ADAMTSL1: variants seen among roughly 807,000 people sequenced by gnomAD.
ADAMTSL1 encodes the protein ADAMTS like 1.
ADAMTSL1 carries 126 observed loss-of-function variants against 201.8 expected under a neutral mutation model. That is an observed-to-expected ratio of 0.62 (90% CI 0.54 to 0.72). The LOEUF is 0.72. Ranked by LOEUF, ADAMTSL1 falls within the 30% of genes least tolerant of loss-of-function variation. ADAMTSL1 has a pLI of 0.00. For synonymous variants in ADAMTSL1, 1,121 were observed against 903.4 expected (o/e 1.24, Z -4.32); for missense variants, 2,679 against 2,277.8 (o/e 1.18, Z -3.59).
rs543529724 is a variant in ADAMTSL1, at chr9:18,177,405, A to C, written c.207+13424A>C. Among the ~76,000 whole-genome samples the C allele has an allele frequency of 1.4e-4, 22 of 152,296 alleles. No homozygotes were observed. In the South Asian group the frequency reaches 2.7e-3, roughly 19 times the overall value. On this transcript the variant is annotated intron_variant, in intron 2 of 29. Coordinates refer to the ADAMTSL1 transcript ENST00000680146. ...ATGACACTGATGGAAATGTGGCTAA[A>C]ACGTTGCGTCATTTAATATTAAGTC...
chr9:18,270,723 C>G (rs1293780659), intron 2 of ADAMTSL1, among the ~76,000 whole-genome samples: 1 of 152,146 alleles, frequency 6.6e-6, no homozygotes, highest in Non-Finnish European at 1.5e-5. Context: ...ATTTCATGTT[C>G]CCCTTCCACA....
At chr9:18,774,955 A>G (rs1203214293) in intron 17 of ADAMTSL1, among the ~76,000 whole-genome samples, 2 of 152,194 alleles carry the variant, frequency 1.3e-5, no homozygotes, top group African/African-American at 4.8e-5. Flanking sequence ...GTAAGAAACT[A>G]CCAATCTGTT....
At chr9:18,573,986 T>A (rs1458901109) in intron 3 of ADAMTSL1, 44 bp from the exon 4 acceptor site, 1 of 1,515,666 alleles carries the variant, frequency 6.6e-7, no homozygotes, top group Non-Finnish European at 9.0e-7. Context: ...TGTTTGGGGG[T>A]ATCCTCCTAA....
At chr9:18,048,130 C>G (rs775517441) in intron 1 of ADAMTSL1, among the ~76,000 whole-genome samples, 6 of 152,176 alleles carry the variant, frequency 3.9e-5, no homozygotes, top group Non-Finnish European at 8.8e-5. Context: ...TGTTGCAGCT[C>G]TGATGTTGAC....
At chr9:18,600,592 A>T (rs1002569579) in intron 4 of ADAMTSL1, among the ~76,000 whole-genome samples, 21 of 152,180 alleles carry the variant, frequency 1.4e-4, no homozygotes, top group African/African-American at 5.1e-4. Context: ...AACAGTAGAA[A>T]AGAGAAGTTC....
In ADAMTSL1 at chr9:18,310,387, A is replaced by C. The variant is rs925982731; in HGVS notation, c.207+146406A>C. Among the ~76,000 whole-genome samples the C allele has an allele frequency of 4.9e-4, 70 of 142,926 alleles. 1 individual carries two copies. The South Asian group carries it at 6.7e-3, about 14-fold the overall frequency. 93.8% of individuals were successfully genotyped at this position (142,926 alleles called of 152,430 possible). A position where few individuals can be genotyped will look rare whatever the true frequency, so the allele number is the denominator to read the frequency against. ...TGCATAGCAAAAAAAAAAAAAAAAA[A>C]AAAAAAAAAAAACTATCTTCAGAGT... On this transcript the variant is annotated intron_variant, in intron 2 of 29. Transcript: ENST00000680146.
At chr9:18,058,328 A>G (rs1443375906) in intron 1 of ADAMTSL1, among the ~76,000 whole-genome samples, 1 of 152,114 alleles carries the variant, frequency 6.6e-6, no homozygotes, top group Admixed American at 6.6e-5. Context: ...TAAATATAAG[A>G]TTTCTACCAA....
intron 1 of ADAMTSL1, among the ~76,000 whole-genome samples, chr9:17,975,323 T>C (rs1462083992): frequency 2.0e-5 from 3 of 152,020 alleles, no homozygotes; most frequent in African/African-American, 4.8e-5. Flanking sequence ...CTTACAACAA[T>C]ATAAATTTAT....
At chr9:18,685,326 A>G (rs980260389) in intron 13 of ADAMTSL1, among the ~76,000 whole-genome samples, 2 of 152,200 alleles carry the variant, frequency 1.3e-5, no homozygotes, top group Non-Finnish European at 2.9e-5. Context: ...CAATTTTATC[A>G]AGTCCATGGA....
At chr9:18,080,322 T>C (rs557883691) in intron 1 of ADAMTSL1, among the ~76,000 whole-genome samples, 10 of 152,246 alleles carry the variant, frequency 6.6e-5, no homozygotes, top group South Asian at 6.2e-4. Flanking sequence ...GTGGTTTTTG[T>C]AAGACTGAGG....
chr9:17,908,187 C>G (rs886504445), intron 1 of ADAMTSL1, among the ~76,000 whole-genome samples: 22 of 152,248 alleles, frequency 1.4e-4, no homozygotes, highest in African/African-American at 5.1e-4. Context: ...TGGAATATGA[C>G]AAACAGTTGG....
intron 20 of ADAMTSL1, among the ~76,000 whole-genome samples, chr9:18,796,295 G>A (rs79699930): frequency 3.9e-5 from 6 of 152,092 alleles, no homozygotes; most frequent in Non-Finnish European, 7.4e-5. Flanking sequence ...TGCTAGTGGC[G>A]GGGGAAGAAG....
At chr9:18,472,810 A>G (rs973950326), upstream of ADAMTSL1, among the ~76,000 whole-genome samples, 2 of 152,234 alleles carry the variant, frequency 1.3e-5, no homozygotes, top group African/African-American at 4.8e-5. Flanking sequence ...CTGAAAAGGG[A>G]AAACGTCCTG....
chr9:18,636,672 T>A (rs937142139), intron 6 of ADAMTSL1, among the ~76,000 whole-genome samples: 19 of 152,176 alleles, frequency 1.2e-4, no homozygotes, highest in African/African-American at 4.6e-4. Context: ...AAGGCAGCAG[T>A]ACAGAGCCAC....
At chr9:18,277,164 T>C (rs1832618001) in intron 2 of ADAMTSL1, among the ~76,000 whole-genome samples, 1 of 152,248 alleles carries the variant, frequency 6.6e-6, no homozygotes, top group Non-Finnish European at 1.5e-5. Flanking sequence ...ACTTCACATA[T>C]GATCTATCCT....
chr9:18,490,322 G>C (rs1327074753), intron 1 of ADAMTSL1, among the ~76,000 whole-genome samples: 1 of 152,020 alleles, frequency 6.6e-6, no homozygotes, highest in Non-Finnish European at 1.5e-5. Context: ...AGAGGCAATT[G>C]ATTGGAGGGA....
intron 2 of ADAMTSL1, among the ~76,000 whole-genome samples, chr9:18,363,310 C>T (rs1836612145): frequency 6.6e-6 from 1 of 152,184 alleles, no homozygotes; most frequent in South Asian, 2.1e-4. Context: ...TGAGGTCTCT[C>T]CTAAGTAAAC....
chr9:18,266,936 G>A (rs1832140802), intron 2 of ADAMTSL1, among the ~76,000 whole-genome samples: 1 of 152,094 alleles, frequency 6.6e-6, no homozygotes, highest in South Asian at 2.1e-4. Context: ...GAATTGCATT[G>A]TTTCTAACCT....
Position 18,122,572 on chromosome 9 carries a change from T to C in ADAMTSL1, c.88-41290T>C, listed in dbSNP as rs896286346. Among the ~76,000 whole-genome samples, 3 of 152,326 alleles carry C rather than the reference T, an allele frequency of 2.0e-5. No homozygotes were observed. In the South Asian group the frequency reaches 6.2e-4, roughly 32 times the overall value. On this transcript the variant is annotated intron_variant, in intron 1 of 29. Coordinates refer to the ADAMTSL1 transcript ENST00000680146. ...TGATTTATGCTAAGCATAAATGGCC[T>C]AAGTTTTCTGTGGTTTTTTTGAAGA... is the stretch of plus-strand genomic sequence containing the variant.
Sources: allele counts gnomAD v4.1 joint callset (sites outside exome capture counted in the v4.1 genomes callset), GRCh38; gene constraint gnomAD v4.1.1; transcripts MANE v1.5; gene names NCBI Gene and HGNC (gene_info 2026-07-23, HGNC 2026-07-21).